CNTN5: variants seen among roughly 807,000 people sequenced by gnomAD.
CNTN5 encodes the protein contactin 5.
Under a neutral mutation model 129.1 loss-of-function variants are expected in CNTN5, and 77 were observed. That is an observed-to-expected ratio of 0.60 (90% confidence interval 0.50 to 0.72). CNTN5 has a LOEUF of 0.72. CNTN5 is among the 30% of genes least tolerant of loss of function. CNTN5 has a pLI of 0.00. For missense variants in CNTN5, 1,478 were observed against 1,328.8 expected (o/e 1.11, Z -1.75); for synonymous variants, 509 against 465.6 (o/e 1.09, Z -1.20).
At chr11:100,346,208 C>T (rs1952274666) in intron 23 of CNTN5, among the ~76,000 whole-genome samples, 1 of 152,086 alleles carries the variant, frequency 6.6e-6, no homozygotes, top group South Asian at 2.1e-4. Flanking sequence ...ATTTTTACAA[C>T]TCCTATAATT....
chr11:100,270,319 C>T (rs1413126704), intron 17 of CNTN5, among the ~76,000 whole-genome samples: 14 of 152,188 alleles, frequency 9.2e-5, no homozygotes, highest in Non-Finnish European at 1.6e-4. Context: ...ACTCCCACCC[C>T]GGCTCTACTG....
At chr11:100,098,413 A>G (rs904070501) in intron 13 of CNTN5, among the ~76,000 whole-genome samples, 1 of 152,048 alleles carries the variant, frequency 6.6e-6, no homozygotes, top group African/African-American at 2.4e-5. Flanking sequence ...TTTCAATAAT[A>G]AGAAAGCCCT....
intron 1 of CNTN5, among the ~76,000 whole-genome samples, chr11:99,223,459 A>G (rs546583508): frequency 2.6e-5 from 4 of 152,238 alleles, no homozygotes; most frequent in East Asian, 1.9e-4. Context: ...TGTGTTTTCT[A>G]TTTCTTTCTC....
chr11:99,281,806 G>A (rs1276842573), intron 1 of CNTN5, among the ~76,000 whole-genome samples: 1 of 151,814 alleles, frequency 6.6e-6, no homozygotes, highest in African/African-American at 2.4e-5. Context: ...TTATTAAAAT[G>A]TTTTTACTTC....
intron 3 of CNTN5, among the ~76,000 whole-genome samples, chr11:99,610,935 C>A (rs80226534): frequency 0.015 from 2,219 of 152,260 alleles, 49 homozygotes; most frequent in East Asian, 0.092. Context: ...AGTAGACACA[C>A]AATCCTAAGT....
chr11:99,922,425 G>C (rs1279863900), intron 7 of CNTN5, among the ~76,000 whole-genome samples: 5 of 152,160 alleles, frequency 3.3e-5, no homozygotes, highest in African/African-American at 1.2e-4. Context: ...TGAAGTTTCT[G>C]ATCTGACATT....
At chr11:99,682,694 T>C (rs1001808817) in intron 3 of CNTN5, among the ~76,000 whole-genome samples, 20 of 151,948 alleles carry the variant, frequency 1.3e-4, no homozygotes, top group African/African-American at 4.8e-4. Context: ...CCAAAATCTA[T>C]GTTGTATGCC....
chr11:100,335,857 C>T (rs1267557540), intron 21 of CNTN5, among the ~76,000 whole-genome samples: 2 of 151,858 alleles, frequency 1.3e-5, no homozygotes, highest in Non-Finnish European at 2.9e-5. Flanking sequence ...TCCTGTCTGC[C>T]ACTAATATTA....
intron 2 of CNTN5, among the ~76,000 whole-genome samples, chr11:99,496,305 C>T (rs991276643): frequency 1.3e-5 from 2 of 152,088 alleles, no homozygotes; most frequent in Non-Finnish European, 2.9e-5. Context: ...GACAGAGTCT[C>T]GTTCTGTCGC....
At chr11:99,730,303 G>A (rs940224336) in intron 3 of CNTN5, among the ~76,000 whole-genome samples, 8 of 152,176 alleles carry the variant, frequency 5.3e-5, no homozygotes, top group African/African-American at 1.9e-4. Context: ...TAATGCAGAA[G>A]CATCTAAGTA....
At chr11:99,095,944 T>C (rs1416897860) in intron 1 of CNTN5, among the ~76,000 whole-genome samples, 1 of 151,930 alleles carries the variant, frequency 6.6e-6, no homozygotes, top group East Asian at 1.9e-4. Context: ...ATCTATTCTG[T>C]TTAAGTGCAT....
At chr11:100,188,528 G>A (rs1282884326) in intron 13 of CNTN5, among the ~76,000 whole-genome samples, 2 of 152,060 alleles carry the variant, frequency 1.3e-5, no homozygotes, top group African/African-American at 4.8e-5. Flanking sequence ...GCAAATCAAA[G>A]CCATAATGAG....
intron 3 of CNTN5, among the ~76,000 whole-genome samples, chr11:99,581,707 A>G (rs1472121222): frequency 6.6e-6 from 1 of 151,896 alleles, no homozygotes; most frequent in Non-Finnish European, 1.5e-5. Context: ...CTATCCCTTT[A>G]TTTTGAGACT....
At chr11:99,862,485 A>T (rs552677194) in intron 6 of CNTN5, among the ~76,000 whole-genome samples, 22 of 152,206 alleles carry the variant, frequency 1.4e-4, no homozygotes, top group African/African-American at 5.3e-4. Context: ...CTCATTTCCA[A>T]AATGCACAGT....
chr11:99,560,789 G>A (rs1410725654), intron 3 of CNTN5, among the ~76,000 whole-genome samples: 1 of 152,128 alleles, frequency 6.6e-6, no homozygotes, highest in East Asian at 1.9e-4. Context: ...GTCCATGGAA[G>A]GCAGATGGTG....
chr11:99,763,947 G>A (rs186650624), intron 3 of CNTN5, among the ~76,000 whole-genome samples: 1 of 152,008 alleles, frequency 6.6e-6, no homozygotes, highest in Admixed American at 6.6e-5. Flanking sequence ...AAAAGAGCTT[G>A]TTCACATATT....
At chr11:100,030,507 T>A (rs954588793) in intron 9 of CNTN5, among the ~76,000 whole-genome samples, 1 of 152,204 alleles carries the variant, frequency 6.6e-6, no homozygotes, top group African/African-American at 2.4e-5. Context: ...CCCGTTAAGC[T>A]GTGCCATAGA....
intron 3 of CNTN5, among the ~76,000 whole-genome samples, chr11:99,814,077 A>G (rs746553803): frequency 6.6e-6 from 1 of 152,204 alleles, no homozygotes; most frequent in Non-Finnish European, 1.5e-5. Flanking sequence ...ACATTCTAAC[A>G]AGCATACAAA....
At chr11:99,714,932 C>A (rs569782932) in intron 3 of CNTN5, among the ~76,000 whole-genome samples, 2 of 150,398 alleles carry the variant, frequency 1.3e-5, no homozygotes, top group African/African-American at 4.9e-5. Context: ...AGTGCTTAAA[C>A]GTAAGGGTTG....
Sources: gnomAD v4.1 joint callset for allele counts (sites outside exome capture counted in the v4.1 genomes callset) on GRCh38, gnomAD v4.1.1 for gene constraint, MANE v1.5 for transcripts, NCBI Gene and HGNC (gene_info 2026-07-23, HGNC 2026-07-21) for gene names.